CFAP100: variants seen among roughly 807,000 people sequenced by gnomAD.
The protein encoded by CFAP100 is cilia and flagella associated protein 100.
In CFAP100, 70 loss-of-function variants were observed where a neutral mutation model predicts 81.5. The ratio of observed to expected loss-of-function variants is 0.86; its 90% confidence interval spans 0.71 to 1.05. The LOEUF is 1.05. Among genes scored for constraint, CFAP100 ranks in the 50% least tolerant of loss-of-function variants. CFAP100 has a pLI of 0.00. For missense variants in CFAP100, 811 were observed against 776.5 expected (o/e 1.04, Z -0.53); for synonymous variants, 341 against 314.8 (o/e 1.08, Z -0.88).
chr3:126,429,773 T>C (rs1312148371), intron 13 of CFAP100, among the ~76,000 whole-genome samples: 1 of 152,208 alleles, frequency 6.6e-6, no homozygotes, highest in African/African-American at 2.4e-5. Context: ...ATTTATACTT[T>C]TGTATGCTTT....
chr3:126,420,264 C>T, intron 11 of CFAP100, 35 bp downstream of exon 11: 1 of 1,608,108 alleles, frequency 6.2e-7, no homozygotes, highest in Non-Finnish European at 8.5e-7. Flanking sequence ...GGGGCTGAGG[C>T]CTAGCGGCGA....
rs1491409521 is a variant in CFAP100, at chr3:126,434,502, G to GA, written c.1628+122dup. 1.0e-5 allele frequency: 10 copies of GA among 983,276 alleles called. No homozygotes were observed. In the East Asian group the frequency reaches 2.7e-4, roughly 26 times the overall value. 60.9% of individuals were successfully genotyped at this position (983,276 alleles called of 1,614,324 possible). On this transcript the variant is annotated intron_variant, in intron 15 of 16. Transcript: ENST00000352312. The stretch of plus-strand genomic sequence containing the variant: ...ACAGGCCCCTCCTGCTCTGTGCTAT[G>GA]AGAGACAAAAGCCCATGTCTTGGGG...
chr3:126,419,923 GT>G, intron 9 of CFAP100, 56 bp from the exon 10 acceptor site: 1 of 1,612,256 alleles, frequency 6.2e-7, no homozygotes, highest in Non-Finnish European at 8.5e-7. Context: ...GCCACATGGC[GT>G]TGCTGAAGCT....
At chr3:126,413,277 C>T (rs979030717) in intron 3 of CFAP100, among the ~76,000 whole-genome samples, 1 of 152,228 alleles carries the variant, frequency 6.6e-6, no homozygotes. Context: ...TGCCAGGCTG[C>T]ACCTCCTTAC....
At chr3:126,422,295 C>T (rs1357686996) in intron 11 of CFAP100, among the ~76,000 whole-genome samples, 4 of 152,224 alleles carry the variant, frequency 2.6e-5, no homozygotes, top group African/African-American at 4.8e-5. Context: ...AAATGGGCAT[C>T]GGTGTGCAGT....
chr3:126,420,270 G>A lies in CFAP100; in HGVS notation c.1082+41G>A, dbSNP rs772978195. On this transcript the variant is annotated intron_variant, in intron 11 of 16. Coordinates refer to ENST00000352312, the MANE Select transcript of CFAP100 (RefSeq NM_182628.3). ...TGGTTGGGAGGGGCTGAGGCCTAGC[G>A]GCGAGCCCTCCCTTGTGGCACCCAT... 75 of 1,607,074 alleles carry A rather than the reference G, an allele frequency of 4.7e-5. 2 individuals carry two copies. Among genetic ancestry groups the A allele is most frequent in the South Asian group, 4.0e-4 (36 of 90,584 alleles).
chr3:126,395,804 C>T (rs1043249137), intron 1 of CFAP100, 138 bp from the exon 2 acceptor site: 21 of 596,698 alleles, frequency 3.5e-5, no homozygotes, highest in Admixed American at 3.2e-4. Context: ...AGTGGACCCT[C>T]GGGTGGGAGA....
chr3:126,403,730 T>A lies in CFAP100; in HGVS notation c.50-3442T>A, dbSNP rs186652003. Reference sequence around the variant, plus strand: ...ATGTTTCACACCCAGTTCATTCTTTTCCTATCTCTCCTGAATTATTATAAA... The same window carrying A: ...ATGTTTCACACCCAGTTCATTCTTTACCTATCTCTCCTGAATTATTATAAA... On this transcript the variant is annotated intron_variant, in intron 2 of 16. Transcript: ENST00000352312. 7.9e-5 allele frequency among the ~76,000 whole-genome samples: 12 copies of A among 152,334 alleles called. No individual in the cohort carries two copies. In the East Asian group the frequency reaches 1.9e-3, roughly 24 times the overall value.
At chr3:126,418,382 G>C (rs746859891) in intron 5 of CFAP100, 76 bp from the exon 6 acceptor site, 24 of 1,358,882 alleles carry the variant, frequency 1.8e-5, no homozygotes, top group African/African-American at 5.7e-5. Flanking sequence ...CCGGTGGAAG[G>C]CTCCTCTGCA....
chr3:126,403,655 T>C (rs1258835631), intron 2 of CFAP100, among the ~76,000 whole-genome samples: 1 of 152,118 alleles, frequency 6.6e-6, no homozygotes, highest in Non-Finnish European at 1.5e-5. Flanking sequence ...AGTGCTGGGA[T>C]TACAGGCGTA....
intron 13 of CFAP100, among the ~76,000 whole-genome samples, chr3:126,424,777 G>C (rs542213525): frequency 3.9e-5 from 6 of 152,362 alleles, no homozygotes; most frequent in African/African-American, 1.4e-4. Context: ...TTGAGAAAGA[G>C]GGCTAAAATG....
intron 3 of CFAP100, among the ~76,000 whole-genome samples, chr3:126,409,144 C>G (rs1302654221): frequency 1.3e-5 from 2 of 152,166 alleles, no homozygotes; most frequent in East Asian, 3.9e-4. Flanking sequence ...CTATGAAGAT[C>G]TAGACCATTT....
chr3:126,401,429 A>ATAT (rs1261190989), intron 2 of CFAP100, among the ~76,000 whole-genome samples: 1 of 109,758 alleles, frequency 9.1e-6, no homozygotes, highest in Non-Finnish European at 1.9e-5. Context: ...ATATATATAT[A>ATAT]TATATATATA....
At chr3:126,433,485 A>G in intron 14 of CFAP100, 1 of 381,558 alleles carries the variant, frequency 2.6e-6, no homozygotes, top group Non-Finnish European at 4.8e-6. Flanking sequence ...GTGATCCTGA[A>G]GGGGGGGAAG....
rs1345116391 is a variant in CFAP100 at position 126,434,279 on chromosome 3, T to C, written c.1526T>C (p.Ile509Thr). Residue 509 changes from isoleucine to threonine, a missense_variant, in exon 15 of 17, where the codon ATC (isoleucine) becomes ACC (threonine). Physicochemically the swap from Ile to Thr is moderately conservative, Grantham distance 89. Transcript: ENST00000352312. ...CTGGGCACCGTGCAGATGCTGACCA[T>C]CATTGAGCACCAGCTGGATGAGCTG... is the stretch of plus-strand genomic sequence containing the variant. ...ANLGTVQMLT[I>T]IEHQLDELLE... The C allele has an allele frequency of 6.2e-6, 10 of 1,613,858 alleles. No homozygotes were observed. In the East Asian group the frequency reaches 6.7e-5, roughly 11 times the overall value.
At chr3:126,416,126 G>A (rs982595155) in intron 4 of CFAP100, among the ~76,000 whole-genome samples, 190 bp from the exon 5 acceptor site, 2 of 152,130 alleles carry the variant, frequency 1.3e-5, no homozygotes, top group Admixed American at 1.3e-4. Context: ...CCTGACTGGC[G>A]CCCTTCTCGG....
chr3:126,426,750 A>C (rs1932958441), intron 13 of CFAP100, among the ~76,000 whole-genome samples: 2 of 152,314 alleles, frequency 1.3e-5, no homozygotes, highest in African/African-American at 4.8e-5. Context: ...CTCCGTCTCA[A>C]TAAATAAATA....
chr3:126,406,917 G>C (rs577191116), intron 2 of CFAP100, among the ~76,000 whole-genome samples: 1 of 152,364 alleles, frequency 6.6e-6, no homozygotes, highest in Non-Finnish European at 1.5e-5. Flanking sequence ...CTGAAGGATG[G>C]GAAAGGGGAG....
At position 126,406,379 on chromosome 3, in the gene CFAP100, C is replaced by G. The variant is rs79864809; in HGVS notation, c.50-793C>G. On this transcript the variant is annotated intron_variant, in intron 2 of 16. Coordinates refer to ENST00000352312, the MANE Select transcript of CFAP100 (RefSeq NM_182628.3). ...CTCCGGGACCACACAGTCCCTCCCC[C>G]ATCCCGCCCCAGGAGGACTGGCACC... Among the ~76,000 whole-genome samples, 750 of 152,362 alleles carry G rather than the reference C, an allele frequency of 4.9e-3. 28 individuals carry two copies. The highest frequency in any genetic ancestry group is 0.04 in the Admixed American group (610 of 15,306).
Sources: allele counts gnomAD v4.1 joint callset (sites outside exome capture counted in the v4.1 genomes callset), GRCh38; gene constraint gnomAD v4.1.1; transcripts MANE v1.5; gene names NCBI Gene and HGNC (gene_info 2026-07-23, HGNC 2026-07-21).